Variants in CSMD2 observed in about 807,000 individuals in gnomAD.
CSMD2 encodes the protein CUB and Sushi multiple domains 2.
In CSMD2, 130 loss-of-function variants were observed where a neutral mutation model predicts 398.5. That is an observed-to-expected ratio of 0.33 (90% CI 0.28 to 0.38). The LOEUF (loss-of-function observed/expected upper bound fraction) is 0.38. CSMD2 is among the 10% of genes least tolerant of loss of function. The pLI is 1.00. For missense variants in CSMD2, 3,829 were observed against 4,764.9 expected (o/e 0.80, Z 5.78); for synonymous variants, 1,828 against 1,908.5 (o/e 0.96, Z 1.10).
At chr1:34,016,493 T>A (rs1461642270) in intron 3 of CSMD2, among the ~76,000 whole-genome samples, 1 of 152,172 alleles carries the variant, frequency 6.6e-6, no homozygotes, top group Non-Finnish European at 1.5e-5. Context: ...TCATTCTTTT[T>A]CACGGCTGCA....
At chr1:33,714,180 C>A (rs1557775272) in intron 21 of CSMD2, among the ~76,000 whole-genome samples, 1 of 152,196 alleles carries the variant, frequency 6.6e-6, no homozygotes, top group Non-Finnish European at 1.5e-5. Context: ...GATGGGGACT[C>A]CCCCTGGGCA....
chr1:33,780,871 G>A (rs1220825954), intron 12 of CSMD2, among the ~76,000 whole-genome samples: 1 of 152,186 alleles, frequency 6.6e-6, no homozygotes, highest in Admixed American at 6.5e-5. Context: ...GGAATGTTTG[G>A]GCCTTCCAGT....
At chr1:33,653,888 G>T (rs113057307) in intron 27 of CSMD2, among the ~76,000 whole-genome samples, 2 of 152,174 alleles carry the variant, frequency 1.3e-5, no homozygotes, top group Non-Finnish European at 2.9e-5. Flanking sequence ...AGTCTTTGTG[G>T]GGGGAGCAAA....
chr1:33,563,523 C>T (rs1433255226), intron 53 of CSMD2, among the ~76,000 whole-genome samples: 1 of 152,118 alleles, frequency 6.6e-6, no homozygotes, highest in South Asian at 2.1e-4. Context: ...ATATGATTAG[C>T]TAACAATTGT....
chr1:33,671,998 G>GC (rs887765606), intron 25 of CSMD2, among the ~76,000 whole-genome samples: 1 of 152,060 alleles, frequency 6.6e-6, no homozygotes, highest in African/African-American at 2.4e-5. Context: ...ACATGCAAAG[G>GC]GGGGTGGAGC....
At chr1:33,776,296 C>G (rs554851086) in intron 12 of CSMD2, among the ~76,000 whole-genome samples, 2 of 152,110 alleles carry the variant, frequency 1.3e-5, no homozygotes, top group Admixed American at 6.5e-5. Flanking sequence ...AGAGGCCCAG[C>G]CTTAGAGACC....
chr1:33,573,320 T>C (rs1659765785), intron 49 of CSMD2, among the ~76,000 whole-genome samples: 2 of 152,188 alleles, frequency 1.3e-5, no homozygotes, highest in South Asian at 2.1e-4. Context: ...AGGATCATTA[T>C]ACATGTGAAG....
intron 4 of CSMD2, among the ~76,000 whole-genome samples, chr1:33,926,618 T>C (rs1644135688): frequency 1.3e-5 from 2 of 152,196 alleles, no homozygotes; most frequent in African/African-American, 2.4e-5. Flanking sequence ...TCATATTTCA[T>C]GGTTACAACT....
intron 15 of CSMD2, among the ~76,000 whole-genome samples, chr1:33,733,194 C>A (rs181144010): frequency 6.6e-6 from 1 of 152,300 alleles, no homozygotes; most frequent in East Asian, 1.9e-4. Context: ...TTTCCTCTGA[C>A]CAGAGTGCCT....
At chr1:33,847,530 A>G (rs572106525) in intron 5 of CSMD2, among the ~76,000 whole-genome samples, 1 of 152,156 alleles carries the variant, frequency 6.6e-6, no homozygotes, top group Non-Finnish European at 1.5e-5. Context: ...ACCAGCCCTA[A>G]GAGTTTGTAG....
intron 3 of CSMD2, among the ~76,000 whole-genome samples, chr1:34,031,251 C>T (rs1898288): frequency 0.5 from 75,714 of 151,702 alleles, 19,534 homozygotes; most frequent in East Asian, 0.73. Flanking sequence ...TCAGTAGAGA[C>T]GGGATTTTGT....
rs71717621 is a variant in CSMD2, at chr1:34,087,612, TATAATAATAATAATAATAATAATA to T, written c.404+1341_404+1364del. On this transcript the variant is annotated intron_variant, in intron 2 of 70. Coordinates refer to ENST00000373381, the MANE Select transcript of CSMD2 (RefSeq NM_001281956.2). ...TGCACAAGTATCCCAGAACTTAAAG[TATAATAATAATAATAATAATAATA>T]ATAATAATAATAATAATAATAAAGC... is the stretch of plus-strand genomic sequence containing the variant. 2.9e-5 allele frequency among the ~76,000 whole-genome samples: 4 copies of T among 138,370 alleles called. No homozygotes were observed. The Admixed American group carries it at 3.0e-4, about 10-fold the overall frequency. The allele number at this position is 138,370 out of a possible 152,430, so 90.8% of individuals were successfully genotyped here. A position where few individuals can be genotyped will look rare whatever the true frequency, so the allele number is the denominator to read the frequency against.
At chr1:34,103,574 T>C (rs144071670) in intron 1 of CSMD2, among the ~76,000 whole-genome samples, 2,229 of 152,150 alleles carry the variant, frequency 0.015, 47 homozygotes, top group African/African-American at 0.049. Context: ...GGATTACAGG[T>C]GTGAGCCACT....
intron 10 of CSMD2, among the ~76,000 whole-genome samples, chr1:33,807,879 C>G (rs1399381858): frequency 6.6e-6 from 1 of 151,862 alleles, no homozygotes; most frequent in East Asian, 1.9e-4. Context: ...CAGCTATACA[C>G]AAAACACATA....
At chr1:33,799,147 A>G (rs1477289765) in intron 10 of CSMD2, among the ~76,000 whole-genome samples, 1 of 152,222 alleles carries the variant, frequency 6.6e-6, no homozygotes, top group Non-Finnish European at 1.5e-5. Flanking sequence ...GCCTATTTTT[A>G]TATGTGGACC....
chr1:33,946,565 T>C (rs535188480), intron 3 of CSMD2, among the ~76,000 whole-genome samples: 1 of 152,210 alleles, frequency 6.6e-6, no homozygotes, highest in African/African-American at 2.4e-5. Flanking sequence ...GAATGTAGCA[T>C]GTTAAGAAAG....
chr1:33,576,905 T>C (rs1638289931), intron 49 of CSMD2, among the ~76,000 whole-genome samples: 1 of 152,064 alleles, frequency 6.6e-6, no homozygotes, highest in South Asian at 2.1e-4. Flanking sequence ...AGGTAATGCA[T>C]GCAAATTGAC....
At chr1:33,975,486 T>TACACACACACAC (rs57095754) in intron 3 of CSMD2, among the ~76,000 whole-genome samples, 4,954 of 146,318 alleles carry the variant, frequency 0.034, 262 homozygotes, top group East Asian at 0.22. Flanking sequence ...CTCCCAAGTG[T>TACACACACACAC]ACACACACAC....
rs191493138 is a variant in CSMD2, at chr1:33,684,730, C to T, written c.4052+8200G>A. 1.7e-3 allele frequency among the ~76,000 whole-genome samples: 264 copies of T among 152,340 alleles called. 1 individual carries two copies. Among genetic ancestry groups the T allele is most frequent in the Middle Eastern group, 3.4e-3 (1 of 294 alleles). The stretch of plus-strand genomic sequence containing the variant: ...CACATGCCTGGGAGGGCCTCACCTC[C>T]ACCCTGCATGGTGAGCTCCTACTGT... On this transcript the variant is annotated intron_variant, in intron 25 of 70. Transcript: ENST00000373381.
Sources: allele counts gnomAD v4.1 joint callset (sites outside exome capture counted in the v4.1 genomes callset), GRCh38; gene constraint gnomAD v4.1.1; transcripts MANE v1.5; gene names NCBI Gene and HGNC (gene_info 2026-07-23, HGNC 2026-07-21).